The following MBNL2 variants were observed in gnomAD, a reference collection of about 807,000 sequenced individuals.
MBNL2 encodes muscleblind like splicing regulator 2.
A neutral mutation model predicts 41.9 loss-of-function variants in MBNL2; 17 were observed. That is an observed-to-expected ratio of 0.41 (90% CI 0.28 to 0.61). The LOEUF is 0.61. Among genes scored for constraint, MBNL2 ranks in the 20% least tolerant of loss-of-function variants. The pLI is 0.35. For missense variants in MBNL2, 336 were observed against 505.6 expected, an observed-to-expected ratio of 0.66 and a Z score of 3.22; for synonymous variants, 195 against 182.9, an observed-to-expected ratio of 1.07 and a Z score of -0.53.
the MBNL2 span, among the ~76,000 whole-genome samples, chr13:97,186,219 C>T: frequency 0.012 from 1,842 of 152,260 alleles, 32 homozygotes; most frequent in African/African-American, 0.042. Context: ...TAGACCCATA[C>T]TTATTAGGCA....
At chr13:97,174,883 T>C in the MBNL2 span, among the ~76,000 whole-genome samples, 3 of 152,162 alleles carry the variant, frequency 2.0e-5, no homozygotes, top group East Asian at 5.8e-4. Flanking sequence ...AAACTGATGA[T>C]GGCATCTTCA....
the MBNL2 span, among the ~76,000 whole-genome samples, chr13:97,185,337 A>G: frequency 6.6e-6 from 1 of 152,220 alleles, no homozygotes; most frequent in Non-Finnish European, 1.5e-5. Flanking sequence ...AATGAGAATC[A>G]GGTTTTTCCA....
chr13:97,378,468 T>C (rs2065153552), intron 8 of MBNL2, among the ~76,000 whole-genome samples: 1 of 152,232 alleles, frequency 6.6e-6, no homozygotes, highest in Admixed American at 6.5e-5. Context: ...GGACACTGAT[T>C]ATCATGAGCT....
At chr13:97,379,653 C>T (rs1162712007) in intron 8 of MBNL2, among the ~76,000 whole-genome samples, 1 of 125,266 alleles carries the variant, frequency 8.0e-6, no homozygotes, top group African/African-American at 3.2e-5. Flanking sequence ...AGGGGTCTCA[C>T]TGCGAAGCCC....
intron 2 of MBNL2, among the ~76,000 whole-genome samples, chr13:97,291,900 C>CAAAAAAAAAAAAAAAAAAAAAAAA (rs763407208): frequency 1.1e-4 from 4 of 37,818 alleles, no homozygotes; most frequent in African/African-American, 2.3e-4. Context: ...GTCTCCGTCT[C>CAAAAAAAAAAAAAAAAAAAAAAAA]AAAAAAAAAA....
rs1308133804 is a variant in MBNL2, at chr13:97,391,733, A to G, written c.*284A>G. ...GATTCAGAATATTTCAAATTTAGCA[A>G]TAAACAATTAGCATTAGTTAAAAAA... On this transcript the variant is annotated 3_prime_UTR_variant, in exon 9 of 9. Coordinates refer to ENST00000679496, the MANE Select transcript of MBNL2 (RefSeq NM_001382683.1). 6.9e-6 allele frequency: 2 copies of G among 291,738 alleles called. No individual in the cohort carries two copies. Among genetic ancestry groups the G allele is most frequent in the Admixed American group, 5.5e-5 (1 of 18,270 alleles). 18.1% of individuals were successfully genotyped at this position (291,738 alleles called of 1,614,324 possible). A position where few individuals can be genotyped will look rare whatever the true frequency, so the allele number is the denominator to read the frequency against.
At chr13:97,188,208 C>A in the MBNL2 span, among the ~76,000 whole-genome samples, 1 of 152,116 alleles carries the variant, frequency 6.6e-6, no homozygotes, top group Non-Finnish European at 1.5e-5. Flanking sequence ...GGGGTGTGAT[C>A]CCATCACCAC....
upstream of MBNL2, among the ~76,000 whole-genome samples, chr13:97,219,027 A>G (rs997601055): frequency 1.3e-5 from 2 of 152,154 alleles, no homozygotes; most frequent in Non-Finnish European, 2.9e-5. Flanking sequence ...TGAAGCAAAC[A>G]ACATCCATAA....
intron 1 of MBNL2, among the ~76,000 whole-genome samples, chr13:97,248,626 A>G (rs2045941232): frequency 1.3e-5 from 2 of 152,204 alleles, no homozygotes; most frequent in South Asian, 4.1e-4. Context: ...AATATCTCTA[A>G]CCATTTAAAG....
At chr13:97,158,389 A>G in the MBNL2 span, among the ~76,000 whole-genome samples, 8 of 151,664 alleles carry the variant, frequency 5.3e-5, no homozygotes, top group East Asian at 9.7e-4. Context: ...TTGTGTCTCT[A>G]TTTCCTTCAG....
At chr13:97,224,503 C>T (rs771619259) in intron 1 of MBNL2, among the ~76,000 whole-genome samples, 1 of 152,024 alleles carries the variant, frequency 6.6e-6, no homozygotes, top group Non-Finnish European at 1.5e-5. Flanking sequence ...TTTGTGTCTC[C>T]TCTCTGACTA....
At chr13:97,373,297 C>A (rs921205571) in intron 8 of MBNL2, among the ~76,000 whole-genome samples, 7 of 151,994 alleles carry the variant, frequency 4.6e-5, no homozygotes, top group South Asian at 2.1e-4. Context: ...TAACTTTTTG[C>A]TTACATTCTA....
At chr13:97,176,683 A>G in the MBNL2 span, among the ~76,000 whole-genome samples, 1 of 152,222 alleles carries the variant, frequency 6.6e-6, no homozygotes, top group African/African-American at 2.4e-5. Flanking sequence ...TAAAGAATGC[A>G]AGTCTCACTT....
intron 1 of MBNL2, among the ~76,000 whole-genome samples, chr13:97,227,012 T>C (rs371703873): frequency 2.3e-4 from 31 of 137,418 alleles, no homozygotes; most frequent in East Asian, 1.7e-3. Context: ...AATTTCGCTT[T>C]CCCCCTTTTT....
At chr13:97,188,541 C>T in the MBNL2 span, among the ~76,000 whole-genome samples, 2 of 152,132 alleles carry the variant, frequency 1.3e-5, no homozygotes, top group Non-Finnish European at 2.9e-5. Context: ...CTTCCTGCAG[C>T]TTTCTGAATC....
intron 7 of MBNL2, among the ~76,000 whole-genome samples, chr13:97,364,327 T>G (rs1470468696): frequency 6.6e-6 from 1 of 152,172 alleles, no homozygotes; most frequent in Admixed American, 6.5e-5. Context: ...ATGACCAAAT[T>G]CCTTAGCCCT....
At chr13:97,254,295 T>C (rs945365037) in intron 1 of MBNL2, among the ~76,000 whole-genome samples, 4 of 152,226 alleles carry the variant, frequency 2.6e-5, no homozygotes, top group African/African-American at 9.6e-5. Flanking sequence ...TTTCCAAATG[T>C]GAAATGTTAA....
intron 2 of MBNL2, among the ~76,000 whole-genome samples, chr13:97,295,311 C>T (rs1031935101): frequency 1.3e-5 from 2 of 151,836 alleles, no homozygotes; most frequent in African/African-American, 4.9e-5. Flanking sequence ...AGTCTTCAGA[C>T]TGTCTTTTAA....
At chr13:97,232,619 A>C (rs542751764) in intron 1 of MBNL2, among the ~76,000 whole-genome samples, 1 of 152,298 alleles carries the variant, frequency 6.6e-6, no homozygotes, top group African/African-American at 2.4e-5. Flanking sequence ...GATTGCAGCA[A>C]AAAGGGTTTG....
Sources: gnomAD v4.1 joint callset for allele counts (sites outside exome capture counted in the v4.1 genomes callset) on GRCh38, gnomAD v4.1.1 for gene constraint, MANE v1.5 for transcripts, NCBI Gene and HGNC (gene_info 2026-07-23, HGNC 2026-07-21) for gene names.